Variants in SOX5 observed in about 807,000 individuals in gnomAD.
SOX5 encodes the protein transcription factor SOX-5.
A neutral mutation model predicts 92.0 loss-of-function variants in SOX5; 9 were observed. The ratio of observed to expected loss-of-function variants is 0.10; its 90% CI spans 0.06 to 0.17. SOX5 has a LOEUF of 0.17. Ranked by LOEUF, SOX5 falls within the 10% of genes least tolerant of loss-of-function variation. The pLI is 1.00. For synonymous variants in SOX5, 344 were observed against 336.3 expected (o/e 1.02, Z -0.25); for missense variants, 642 against 944.5 (o/e 0.68, Z 4.20).
intron 3 of SOX5, among the ~76,000 whole-genome samples, chr12:23,820,194 T>C (rs1231988485): frequency 6.6e-6 from 1 of 152,254 alleles, no homozygotes; most frequent in Non-Finnish European, 1.5e-5. Context: ...TGATGAGCTT[T>C]TTTTCATGTT....
At chr12:23,941,398 A>G (rs1039254939) in intron 1 of SOX5, among the ~76,000 whole-genome samples, 3 of 151,698 alleles carry the variant, frequency 2.0e-5, no homozygotes, top group Admixed American at 2.0e-4. Flanking sequence ...GTCAAATTAG[A>G]TCCATATTAT....
intron 1 of SOX5, among the ~76,000 whole-genome samples, chr12:24,552,835 A>G (rs1953332622): frequency 6.6e-6 from 1 of 152,158 alleles, no homozygotes; most frequent in African/African-American, 2.4e-5. Flanking sequence ...CCCCACCTCT[A>G]CACAAAATTT....
intron 2 of SOX5, among the ~76,000 whole-genome samples, chr12:24,289,674 C>G (rs577796889): frequency 8.2e-6 from 1 of 121,992 alleles, no homozygotes; most frequent in East Asian, 2.3e-4. Flanking sequence ...CCGGGATGGT[C>G]TCGATCTCCT....
At chr12:23,962,829 T>A (rs1369455677) in intron 4 of SOX5, among the ~76,000 whole-genome samples, 1 of 152,196 alleles carries the variant, frequency 6.6e-6, no homozygotes, top group Non-Finnish European at 1.5e-5. Flanking sequence ...GATTTTCCTG[T>A]TGCTTTATTT....
chr12:23,782,707 A>G (rs530834315), intron 3 of SOX5, among the ~76,000 whole-genome samples: 1 of 152,290 alleles, frequency 6.6e-6, no homozygotes, highest in South Asian at 2.1e-4. Context: ...TCTTTCCACA[A>G]AGATTTATCT....
intron 4 of SOX5, among the ~76,000 whole-genome samples, chr12:24,200,451 A>C (rs952750862): frequency 6.6e-6 from 1 of 152,132 alleles, no homozygotes; most frequent in Admixed American, 6.5e-5. Context: ...GTGCATATAC[A>C]TGAATGATAA....
At chr12:24,082,230 G>T (rs569985283) in intron 4 of SOX5, among the ~76,000 whole-genome samples, 243 of 151,626 alleles carry the variant, frequency 1.6e-3, no homozygotes, top group African/African-American at 5.6e-3. Flanking sequence ...ATTATACCTT[G>T]TCTTATTGTT....
chr12:23,829,963 G>A (rs912347791), intron 3 of SOX5, among the ~76,000 whole-genome samples: 13 of 152,094 alleles, frequency 8.5e-5, no homozygotes, highest in African/African-American at 3.1e-4. Flanking sequence ...TCCAGGACCT[G>A]CTATATAAAA....
intron 4 of SOX5, among the ~76,000 whole-genome samples, chr12:24,034,783 T>C (rs1163343794): frequency 1.3e-5 from 2 of 152,044 alleles, no homozygotes; most frequent in African/African-American, 2.4e-5. Context: ...AATAAATTTG[T>C]GTGTTTGTGT....
chr12:23,533,969 T>A lies in SOX5; in HGVS notation c.*250A>T, dbSNP rs1591813166. The A allele has an allele frequency of 2.7e-6, 1 of 370,792 alleles. No homozygotes were observed. Among genetic ancestry groups the A allele is most frequent in the East Asian group, 4.7e-5 (1 of 21,098 alleles). 23.0% of individuals were successfully genotyped at this position (370,792 alleles called of 1,614,324 possible). A position where few individuals can be genotyped will look rare whatever the true frequency, so the allele number is the denominator to read the frequency against. Reference sequence around the variant, plus strand: ...TGCTTGGATGTAGCAGCTGAATTACTGGCATTATTTTACCCATAGCTTATT... The same window carrying A: ...TGCTTGGATGTAGCAGCTGAATTACAGGCATTATTTTACCCATAGCTTATT... On this transcript the variant is annotated 3_prime_UTR_variant, in exon 15 of 15. Transcript: ENST00000451604.
intron 4 of SOX5, among the ~76,000 whole-genome samples, chr12:24,028,055 A>G (rs1955075044): frequency 6.6e-6 from 1 of 151,964 alleles, no homozygotes; most frequent in South Asian, 2.1e-4. Flanking sequence ...AGATTTAGAA[A>G]ATAGTATTCT....
At chr12:23,928,848 G>A (rs1284348217) in intron 1 of SOX5, among the ~76,000 whole-genome samples, 1 of 151,730 alleles carries the variant, frequency 6.6e-6, no homozygotes, top group Non-Finnish European at 1.5e-5. Context: ...TAAAGATCAA[G>A]AACCTAAAAG....
chr12:23,589,274 C>A (rs549642990), intron 9 of SOX5, among the ~76,000 whole-genome samples: 1 of 151,820 alleles, frequency 6.6e-6, no homozygotes, highest in South Asian at 2.1e-4. Flanking sequence ...TTTATTTGAA[C>A]TATCAATTAA....
At chr12:23,599,970 T>G (rs896426128) in intron 9 of SOX5, among the ~76,000 whole-genome samples, 10 of 152,192 alleles carry the variant, frequency 6.6e-5, no homozygotes, top group African/African-American at 2.4e-4. Flanking sequence ...TGAATAAATA[T>G]GTGGTGCAAA....
intron 4 of SOX5, among the ~76,000 whole-genome samples, chr12:24,075,857 G>A (rs891612413): frequency 4.6e-5 from 7 of 152,104 alleles, no homozygotes; most frequent in African/African-American, 1.7e-4. Flanking sequence ...GTAATGCAAA[G>A]GAAATGCTCA....
chr12:24,122,315 A>G (rs1948709304), intron 4 of SOX5, among the ~76,000 whole-genome samples: 1 of 152,234 alleles, frequency 6.6e-6, no homozygotes, highest in African/African-American at 2.4e-5. Context: ...GATCCAGTCA[A>G]AGCAAAAGTG....
At chr12:23,777,536 C>G (rs975103873) in intron 3 of SOX5, among the ~76,000 whole-genome samples, 9 of 152,130 alleles carry the variant, frequency 5.9e-5, no homozygotes, top group Non-Finnish European at 1.5e-5. Context: ...ACCATAACGT[C>G]TGCCTCTATT....
chr12:24,285,231 C>T (rs1322232926), intron 2 of SOX5, among the ~76,000 whole-genome samples: 1 of 152,090 alleles, frequency 6.6e-6, no homozygotes, highest in Non-Finnish European at 1.5e-5. Flanking sequence ...TTTTTATTAT[C>T]TGTTGGTAGA....
intron 4 of SOX5, among the ~76,000 whole-genome samples, chr12:24,183,755 T>C (rs1235837348): frequency 6.6e-6 from 1 of 152,172 alleles, no homozygotes; most frequent in African/African-American, 2.4e-5. Context: ...TCAATATGGT[T>C]TGAGCACCAA....
Sources: allele counts gnomAD v4.1 joint callset (sites outside exome capture counted in the v4.1 genomes callset), GRCh38; gene constraint gnomAD v4.1.1; transcripts MANE v1.5; gene names NCBI Gene and HGNC (gene_info 2026-07-23, HGNC 2026-07-21).